The following CNPY1 variants were observed in gnomAD, a reference collection of about 807,000 sequenced individuals.
The protein encoded by CNPY1 is canopy FGF signaling regulator 1, also known as protein canopy homolog 1.
A neutral mutation model predicts 14.4 loss-of-function variants in CNPY1; 14 were observed. The ratio of observed to expected loss-of-function variants is 0.97; its 90% CI spans 0.64 to 1.52. The LOEUF (loss-of-function observed/expected upper bound fraction) is 1.52, where lower values mean the gene tolerates loss of function less well. Ranked by LOEUF, CNPY1 falls within the 40% of genes most tolerant of loss-of-function variation. The probability of loss-of-function intolerance (pLI) is 0.00; values close to 1 mark genes in which losing one functional copy is unlikely to be tolerated. For missense variants in CNPY1, 129 were observed against 131.5 expected (o/e 0.98, Z 0.09); for synonymous variants, 43 against 46.5 (o/e 0.92, Z 0.31).
In CNPY1 at chr7:155,507,087, A is replaced by G; in HGVS notation, c.333T>C (p.Asp111=). ...ACETIIEEYE[D]EISSLIAQET... ...CCTGGGCGATAAGTGAGGATATTTC[A>G]TCTTCATACTCTTCTATTATAGTTT... Residue 111 remains aspartate (D), a synonymous_variant, in exon 4 of 5, where the codon GAT becomes GAC. Coordinates refer to ENST00000636446, the MANE Select transcript of CNPY1 (RefSeq NM_001393663.1). 6.2e-7 allele frequency: 1 copy of G among 1,609,654 alleles called. No homozygotes were observed. Among genetic ancestry groups the G allele is most frequent in the Non-Finnish European group, 8.5e-7 (1 of 1,176,364 alleles).
At chr7:155,528,695 C>G (rs1285281553) in intron 2 of CNPY1, among the ~76,000 whole-genome samples, 2 of 152,200 alleles carry the variant, frequency 1.3e-5, no homozygotes, top group Non-Finnish European at 2.9e-5. Flanking sequence ...TGAAGCACGG[C>G]CTTCTTGGTC....
At chr7:155,527,970 G>A (rs1350778925) in intron 2 of CNPY1, among the ~76,000 whole-genome samples, 1 of 152,192 alleles carries the variant, frequency 6.6e-6, no homozygotes, top group African/African-American at 2.4e-5. Flanking sequence ...GGCAGCTTGA[G>A]AGCTCCTTTG....
intron 2 of CNPY1, chr7:155,510,580 A>G (rs1796507312): frequency 6.6e-6 from 1 of 152,230 alleles, no homozygotes; most frequent in South Asian, 2.1e-4. Context: ...CTTATGGACT[A>G]TTTAATAGAA....
intron 2 of CNPY1, 92 bp from the exon 3 acceptor site, chr7:155,509,189 C>T (rs368797943): frequency 3.0e-6 from 2 of 670,086 alleles, no homozygotes; most frequent in South Asian, 2.1e-5. Flanking sequence ...GCCACACTCT[C>T]CCTGAATGCA....
rs1013121886 is a variant in CNPY1, at chr7:155,542,769, C to T, written c.99+3062G>A. On this transcript the variant is annotated intron_variant, in intron 2 of 4. Coordinates refer to ENST00000636446, the MANE Select transcript of CNPY1 (RefSeq NM_001393663.1). Reference sequence around the variant, plus strand: ...GCCAGTGCGGGCAGAGGCCCGCCTGCGGCCACAGCCCTTTCACTGGCTGCT... The same window carrying T: ...GCCAGTGCGGGCAGAGGCCCGCCTGTGGCCACAGCCCTTTCACTGGCTGCT... Among the ~76,000 whole-genome samples, 15 of 152,336 alleles carry T rather than the reference C, an allele frequency of 9.8e-5. 1 individual carries two copies. The highest frequency in any genetic ancestry group is 7.2e-4 in the Admixed American group (11 of 15,308).
rs1797025456 is a variant in CNPY1, at chr7:155,536,642, T to C, written c.99+9189A>G. ...TTCCCACAGAATCCTCCATGCTCTC[T>C]CTCCCCATCCACCTGCTGGATGAAC... is the stretch of plus-strand genomic sequence containing the variant. On this transcript the variant is annotated intron_variant, in intron 2 of 4. Transcript: ENST00000636446. This position sits in a 1 kb window ranked among gnomAD's most constrained non-coding sequence, Gnocchi z 4.1. 6.6e-6 allele frequency among the ~76,000 whole-genome samples: 1 copy of C among 152,038 alleles called. No homozygotes were observed. The highest frequency in any genetic ancestry group is 2.4e-5 in the African/African-American group (1 of 41,384).
intron 2 of CNPY1, among the ~76,000 whole-genome samples, chr7:155,527,918 T>C (rs542942668): frequency 6.6e-6 from 1 of 152,330 alleles, no homozygotes; most frequent in African/African-American, 2.4e-5. Context: ...GGCGTGGCCC[T>C]GGTGGCCCCG....
In CNPY1 at chr7:155,540,167, G is replaced by A. The variant is rs549891072; in HGVS notation, c.99+5664C>T. On this transcript the variant is annotated intron_variant, in intron 2 of 4. Transcript: ENST00000636446. Reference sequence around the variant, plus strand: ...TTTTGGAAAGAAGTTTCCTAAGTCGGATAAGGAAATTCCAGGGAGAGGCTC... The same window carrying A: ...TTTTGGAAAGAAGTTTCCTAAGTCGAATAAGGAAATTCCAGGGAGAGGCTC... Among the ~76,000 whole-genome samples the A allele has an allele frequency of 3.3e-5, 5 of 152,330 alleles. No homozygotes were observed. The South Asian group carries it at 1.0e-3, about 32-fold the overall frequency.
intron 2 of CNPY1, among the ~76,000 whole-genome samples, chr7:155,545,452 C>T (rs534759504): frequency 6.6e-6 from 1 of 152,340 alleles, no homozygotes; most frequent in Admixed American, 6.5e-5. Flanking sequence ...GAAATCTGCA[C>T]ATCTTGCAGT....
At chr7:155,512,224 G>A (rs749647956) in intron 2 of CNPY1, among the ~76,000 whole-genome samples, 26 of 152,252 alleles carry the variant, frequency 1.7e-4, no homozygotes, top group South Asian at 2.1e-4. Flanking sequence ...GAAAACCCAC[G>A]CACTGGCACA....
intron 2 of CNPY1, among the ~76,000 whole-genome samples, chr7:155,511,232 T>G (rs1222812286): frequency 1.3e-5 from 2 of 152,180 alleles, no homozygotes; most frequent in East Asian, 3.8e-4. Context: ...CTGGGGGCTT[T>G]CAGAAACTTA....
chr7:155,531,737 G>A (rs1796940692), intron 2 of CNPY1, among the ~76,000 whole-genome samples: 1 of 152,244 alleles, frequency 6.6e-6, no homozygotes, highest in African/African-American at 2.4e-5. Flanking sequence ...CAGGCAGACA[G>A]CAAACAGGGA....
At chr7:155,517,204 C>T (rs1270885650) in intron 2 of CNPY1, among the ~76,000 whole-genome samples, 1 of 151,912 alleles carries the variant, frequency 6.6e-6, no homozygotes, top group Non-Finnish European at 1.5e-5. Flanking sequence ...TTGAGGTGGC[C>T]CCTTTTCAAA....
chr7:155,508,952 T>C lies in CNPY1; in HGVS notation c.245A>G (p.Tyr82Cys). 2 of 1,613,778 alleles carry C rather than the reference T, an allele frequency of 1.2e-6. No homozygotes were observed. Among genetic ancestry groups the C allele is most frequent in the Non-Finnish European group, 8.5e-7 (1 of 1,179,754 alleles). ...RFAPRKGDKI[Y>C]QEFKKLYFYS... ...AAAATACAATTTTTTAAATTCTTGGTATATTTTGTCTCCTTTCCTAGGAGC... is the reference window on the plus strand; with the variant it reads ...AAAATACAATTTTTTAAATTCTTGGCATATTTTGTCTCCTTTCCTAGGAGC... The change falls in exon 3 of 5, where the codon TAC (tyrosine) becomes TGC (cysteine). Residue 82 changes from tyrosine to cysteine, a missense_variant. Coordinates refer to ENST00000636446, the MANE Select transcript of CNPY1 (RefSeq NM_001393663.1).
At chr7:155,537,095 GC>G (rs1181655294) in intron 2 of CNPY1, among the ~76,000 whole-genome samples, 1 of 152,170 alleles carries the variant, frequency 6.6e-6, no homozygotes, top group Non-Finnish European at 1.5e-5. Context: ...AGGAGCCGGG[GC>G]TATTTATTAC....
At chr7:155,507,171 T>C (rs575349964) in intron 3 of CNPY1, 55 bp from the exon 4 acceptor site, 4 of 1,116,228 alleles carry the variant, frequency 3.6e-6, no homozygotes, top group African/African-American at 3.0e-5. Flanking sequence ...CGGGGCACTT[T>C]GTTAGGAAGG....
chr7:155,543,728 A>G (rs1797127912), intron 2 of CNPY1, among the ~76,000 whole-genome samples: 1 of 152,070 alleles, frequency 6.6e-6, no homozygotes, highest in South Asian at 2.1e-4. Context: ...CGAGGAACCC[A>G]CCCGCGCGCC....
rs1389717879 is a variant in CNPY1 at position 155,536,330 on chromosome 7, G to A, written c.99+9501C>T. On this transcript the variant is annotated intron_variant, in intron 2 of 4. Coordinates refer to ENST00000636446, the MANE Select transcript of CNPY1 (RefSeq NM_001393663.1). The surrounding 1 kb of genome is among the most constrained non-coding windows in gnomAD (Gnocchi z 4.1). ...TGGGAGGTTAGAAAGCCTACGGGCC[G>A]CTCTGTGCTTGAGACCTATAGTCAT... 3.9e-5 allele frequency among the ~76,000 whole-genome samples: 6 copies of A among 152,126 alleles called. No individual in the cohort carries two copies. Among genetic ancestry groups the A allele is most frequent in the Admixed American group, 6.5e-5 (1 of 15,280 alleles).
At chr7:155,506,821 G>C in intron 4 of CNPY1, 199 bp downstream of exon 4, 1 of 569,394 alleles carries the variant, frequency 1.8e-6, no homozygotes, top group Non-Finnish European at 3.1e-6. Context: ...AAAGAGGAAG[G>C]CCACACAGCC....
Sources: gnomAD v4.1 joint callset for allele counts (sites outside exome capture counted in the v4.1 genomes callset) on GRCh38, gnomAD v4.1.1 for gene constraint, Gnocchi (gnomAD v3.1) non-coding constraint, MANE v1.5 for transcripts, NCBI Gene and HGNC (gene_info 2026-07-23, HGNC 2026-07-21) for gene names.